Variants in LRRC53 observed in about 807,000 individuals in gnomAD.
LRRC53 encodes the protein leucine-rich repeat-containing protein 53.
In LRRC53, 25 loss-of-function variants were observed where a neutral mutation model predicts 13.6. The ratio of observed to expected loss-of-function variants is 1.83; its 90% CI spans 1.34 to 2.56. The LOEUF (loss-of-function observed/expected upper bound fraction) is 2.56, where lower values mean the gene tolerates loss of function less well. LRRC53 is among the 30% of genes most tolerant of loss of function. The pLI is 0.00. For missense variants in LRRC53, 527 were observed against 275.8 expected (o/e 1.91, Z -6.45); for synonymous variants, 204 against 109.8 (o/e 1.86, Z -5.37).
chr1:74,469,590 C>A lies in LRRC53; in HGVS notation c.*288G>T. ...CATTTGTTTAAGGCTTTTTTTTTTTCAATGTTTGCTTGCTTTTGCAAGACT... is the reference window on the plus strand; with the variant it reads ...CATTTGTTTAAGGCTTTTTTTTTTTAAATGTTTGCTTGCTTTTGCAAGACT... On this transcript the variant is annotated 3_prime_UTR_variant, in exon 5 of 5. Transcript: ENST00000294635. 2 of 223,986 alleles carry A rather than the reference C, an allele frequency of 8.9e-6. No homozygotes were observed. Among genetic ancestry groups the A allele is most frequent in the East Asian group, 8.0e-5 (1 of 12,558 alleles). The allele number at this position is 223,986 out of a possible 1,614,324, so 13.9% of individuals were successfully genotyped here. A position where few individuals can be genotyped will look rare whatever the true frequency, so the allele number is the denominator to read the frequency against.
intron 1 of LRRC53, among the ~76,000 whole-genome samples, chr1:74,511,457 T>C (rs1375341210): frequency 1.3e-5 from 2 of 152,206 alleles, no homozygotes; most frequent in Admixed American, 1.3e-4. Context: ...ATTTTCTTTA[T>C]TTAAAGAATT....
At chr1:74,522,557 A>G in the LRRC53 span, among the ~76,000 whole-genome samples, 1 of 152,172 alleles carries the variant, frequency 6.6e-6, no homozygotes, top group African/African-American at 2.4e-5. Context: ...TTTAAAAAGT[A>G]GCATGAAAAA....
At chr1:74,510,973 T>G (rs915515614) in intron 1 of LRRC53, among the ~76,000 whole-genome samples, 3 of 152,184 alleles carry the variant, frequency 2.0e-5, no homozygotes, top group Non-Finnish European at 4.4e-5. Context: ...CTGCAACCTC[T>G]GCCTCCCAGG....
chr1:74,520,374 T>C, the LRRC53 span, among the ~76,000 whole-genome samples: 2 of 152,080 alleles, frequency 1.3e-5, no homozygotes, highest in Non-Finnish European at 2.9e-5. Context: ...TCGCGTGAGT[T>C]CCACCACCTT....
At chr1:74,514,997 G>A (rs1334208670), upstream of LRRC53, among the ~76,000 whole-genome samples, 1 of 152,054 alleles carries the variant, frequency 6.6e-6, no homozygotes, top group African/African-American at 2.4e-5. Context: ...TGGAGGCAGG[G>A]ACTGAAGTGC....
intron 1 of LRRC53, among the ~76,000 whole-genome samples, chr1:74,484,648 A>G (rs1668662030): frequency 6.6e-6 from 1 of 152,164 alleles, no homozygotes; most frequent in South Asian, 2.1e-4. Context: ...AGAGGATCCA[A>G]TGCAAAGTTC....
Position 74,510,926 on chromosome 1 carries a change from C to A in LRRC53, c.-27+1600G>T, listed in dbSNP as rs556243887. On this transcript the variant is annotated intron_variant, in intron 1 of 4. Coordinates refer to ENST00000294635, the MANE Select transcript of LRRC53 (RefSeq NM_001382280.1). ...TTTTGAGACGAAGTCTCACTCTTGT[C>A]CCCCAGGCTGGAGTACAATGGTGCG... Among the ~76,000 whole-genome samples the A allele has an allele frequency of 2.0e-5, 3 of 152,298 alleles. No individual in the cohort carries two copies. In the South Asian group the frequency reaches 6.2e-4, roughly 32 times the overall value.
At chr1:74,498,631 A>C (rs1181635560) in intron 1 of LRRC53, among the ~76,000 whole-genome samples, 2 of 152,178 alleles carry the variant, frequency 1.3e-5, no homozygotes, top group Non-Finnish European at 2.9e-5. Flanking sequence ...AAACTCTGGC[A>C]TTCAGATTTT....
rs186169678 is a variant in LRRC53 at position 74,471,539 on chromosome 1, A to C, written c.2083T>G (p.Ser695Ala). The change falls in exon 5 of 5, where the codon TCA (serine) becomes GCA (alanine). Residue 695 changes from serine (S) to alanine (A), a missense_variant. Coordinates refer to ENST00000294635, the MANE Select transcript of LRRC53 (RefSeq NM_001382280.1). ...RNKGEKWFTN[S>A]WVLKRKRTPQ... ...GTTCTCTTCCTTTTCAGAACCCATG[A>C]ATTAGTAAACCATTTTTCTCCTTTG... 1 of 400,664 alleles carries C rather than the reference A, an allele frequency of 2.5e-6. No homozygotes were observed. Among genetic ancestry groups the C allele is most frequent in the African/African-American group, 2.0e-5 (1 of 48,810 alleles). The allele number at this position is 400,664 out of a possible 1,614,324, so 24.8% of individuals were successfully genotyped here. A position where few individuals can be genotyped will look rare whatever the true frequency, so the allele number is the denominator to read the frequency against.
At chr1:74,487,205 G>A (rs1220702044) in intron 1 of LRRC53, among the ~76,000 whole-genome samples, 4 of 151,400 alleles carry the variant, frequency 2.6e-5, no homozygotes, top group Admixed American at 6.6e-5. Context: ...GAACATGAAC[G>A]ATGCAAAAAA....
intron 1 of LRRC53, chr1:74,489,168 A>G (rs532782253): frequency 1.3e-6 from 2 of 1,598,372 alleles, no homozygotes; most frequent in East Asian, 4.5e-5. Flanking sequence ...AAGGGAAAAA[A>G]GTTCTTTTTT....
rs180848044 is a variant in LRRC53, at chr1:74,480,185, T to A, written c.872A>T (p.Asp291Val). 4.2e-6 allele frequency: 3 copies of A among 717,374 alleles called. No individual in the cohort carries two copies. Among genetic ancestry groups the A allele is most frequent in the African/African-American group, 3.5e-5 (2 of 57,380 alleles). The allele number at this position is 717,374 out of a possible 1,614,324, so 44.4% of individuals were successfully genotyped here. ...GCCAAGGACAGTCAGCAGGGCCACATCTGGTCCTGGGAGGAGGGGACTTCT... is the reference window on the plus strand; with the variant it reads ...GCCAAGGACAGTCAGCAGGGCCACAACTGGTCCTGGGAGGAGGGGACTTCT... ...KDRSPLLPGP[D>V]VALLTVLGFA... is the part of the protein sequence containing the mutation. The change falls in exon 3 of 5, where the codon GAT becomes GTT. Residue 291 changes from aspartate to valine, a missense_variant. Coordinates refer to ENST00000294635, the MANE Select transcript of LRRC53 (RefSeq NM_001382280.1).
Position 74,475,647 on chromosome 1 carries a change from G to A in LRRC53, c.1068C>T (p.Cys356=). ...RNYHTKGYCN[C]HLTQENEIKV... ...TTATCTCGTTTTCCTGAGTTAAGTG[G>A]CAGTTGCAGTATCCCTTAGTGTGGT... Residue 356 remains cysteine, a synonymous_variant, in exon 4 of 5, where the codon TGC becomes TGT. Transcript: ENST00000294635. The A allele has an allele frequency of 1.4e-6, 1 of 717,072 alleles. No individual in the cohort carries two copies. Among genetic ancestry groups the A allele is most frequent in the Non-Finnish European group, 2.6e-6 (1 of 384,866 alleles). The allele number at this position is 717,072 out of a possible 1,614,324, so 44.4% of individuals were successfully genotyped here.
intron 1 of LRRC53, among the ~76,000 whole-genome samples, chr1:74,492,873 G>A (rs1669148786): frequency 6.6e-6 from 1 of 152,162 alleles, no homozygotes; most frequent in South Asian, 2.1e-4. Flanking sequence ...TCTGAAAGCT[G>A]GAAGTCCAAG....
chr1:74,490,726 GA>G (rs1669027395), intron 1 of LRRC53, among the ~76,000 whole-genome samples: 1 of 152,176 alleles, frequency 6.6e-6, no homozygotes, highest in Admixed American at 6.5e-5. Flanking sequence ...TCAAGGCCAA[GA>G]GGGAGCTACT....
intron 1 of LRRC53, among the ~76,000 whole-genome samples, chr1:74,497,842 C>T (rs747547753): frequency 2.6e-5 from 4 of 152,012 alleles, no homozygotes; most frequent in Non-Finnish European, 5.9e-5. Context: ...AAGTGAATTC[C>T]GGAGTCCAAT....
chr1:74,503,926 G>T (rs912816144), intron 1 of LRRC53, among the ~76,000 whole-genome samples: 1 of 152,176 alleles, frequency 6.6e-6, no homozygotes, highest in Non-Finnish European at 1.5e-5. Context: ...GTTCCTGAAT[G>T]CCATCTTATA....
chr1:74,508,533 A>G (rs954726448), intron 1 of LRRC53, among the ~76,000 whole-genome samples: 1 of 152,342 alleles, frequency 6.6e-6, no homozygotes. Context: ...CAAACTCCAC[A>G]AAAGACAGAG....
chr1:74,522,572 G>A, the LRRC53 span, among the ~76,000 whole-genome samples: 1 of 152,078 alleles, frequency 6.6e-6, no homozygotes, highest in Non-Finnish European at 1.5e-5. Flanking sequence ...GAAAAAGAGA[G>A]AATCTGTCTT....
Sources: gnomAD v4.1 joint callset for allele counts (sites outside exome capture counted in the v4.1 genomes callset) on GRCh38, gnomAD v4.1.1 for gene constraint, MANE v1.5 for transcripts, NCBI Gene and HGNC (gene_info 2026-07-23, HGNC 2026-07-21) for gene names.